Variants in RAP1GAP2 observed in about 807,000 individuals in gnomAD.
RAP1GAP2 encodes rap1 GTPase-activating protein 2.
Under a neutral mutation model 95.0 loss-of-function variants are expected in RAP1GAP2, and 27 were observed. The observed-to-expected ratio is 0.28, with a 90% CI of 0.21 to 0.39. The LOEUF (loss-of-function observed/expected upper bound fraction) is 0.39. Ranked by LOEUF, RAP1GAP2 falls within the 10% of genes least tolerant of loss-of-function variation. The pLI, the probability that RAP1GAP2 is intolerant of heterozygous loss-of-function variation, is 1.00. For missense variants in RAP1GAP2, 771 were observed against 970.0 expected (o/e 0.79, Z 2.72); for synonymous variants, 373 against 380.9 (o/e 0.98, Z 0.24).
intron 17 of RAP1GAP2, among the ~76,000 whole-genome samples, chr17:3,015,030 G>C (rs1269660242): frequency 1.3e-5 from 2 of 152,138 alleles, no homozygotes; most frequent in Non-Finnish European, 2.9e-5. Flanking sequence ...TTTTAAAAAA[G>C]GAAGCTCGCC....
rs1364775749 is a variant in RAP1GAP2 at position 2,855,592 on chromosome 17, A to G, written c.81-49692A>G. Among the ~76,000 whole-genome samples the G allele has an allele frequency of 2.0e-5, 3 of 152,272 alleles. No individual in the cohort carries two copies. Among genetic ancestry groups the G allele is most frequent in the African/African-American group, 7.2e-5 (3 of 41,540 alleles). On this transcript the variant is annotated intron_variant, in intron 2 of 24. Coordinates refer to ENST00000254695, the MANE Select transcript of RAP1GAP2 (RefSeq NM_015085.5). This position sits in a 1 kb window ranked among gnomAD's most constrained non-coding sequence, Gnocchi z 4.3. ...ATCTCTTTAAACATATGAAGTCACAAGAATTAATCTATTTTATTTATTTAT... is the reference window on the plus strand; with the variant it reads ...ATCTCTTTAAACATATGAAGTCACAGGAATTAATCTATTTTATTTATTTAT...
At chr17:2,815,297 G>A (rs1359239665) in intron 2 of RAP1GAP2, among the ~76,000 whole-genome samples, 1 of 152,022 alleles carries the variant, frequency 6.6e-6, no homozygotes, top group South Asian at 2.1e-4. Context: ...GGCAGGCTGC[G>A]CAACCTCTCT....
At chr17:2,860,195 A>G (rs1567717265) in intron 2 of RAP1GAP2, among the ~76,000 whole-genome samples, 1 of 152,166 alleles carries the variant, frequency 6.6e-6, no homozygotes, top group Non-Finnish European at 1.5e-5. Flanking sequence ...CCCTGGTCCC[A>G]GAACAGATGG....
chr17:2,870,072 G>GCCTCAGAACCTT lies in RAP1GAP2; in HGVS notation c.81-35204_81-35193dup, dbSNP rs2072779946. ...CTGTATGGCCCCTGACCCCGGCATG[G>GCCTCAGAACCTT]CCTCAGAACCTTCCTCAGAGTGCAC... On this transcript the variant is annotated intron_variant, in intron 2 of 24. Transcript: ENST00000254695. The surrounding 1 kb of genome is among the most constrained non-coding windows in gnomAD (Gnocchi z 4.4). Among the ~76,000 whole-genome samples the GCCTCAGAACCTT allele has an allele frequency of 6.6e-6, 1 of 152,026 alleles. No homozygotes were observed. The highest frequency in any genetic ancestry group is 1.5e-5 in the Non-Finnish European group (1 of 68,022).
chr17:2,944,161 C>CAAAAAAAAAAAAAAA (rs36063732), intron 3 of RAP1GAP2, among the ~76,000 whole-genome samples: 4 of 81,794 alleles, frequency 4.9e-5, no homozygotes, highest in East Asian at 3.6e-4. Flanking sequence ...ACAGCAAAAC[C>CAAAAAAAAAAAAAAA]AAAAAAAAAA....
chr17:2,824,838 CG>C (rs2070478420), intron 2 of RAP1GAP2, among the ~76,000 whole-genome samples: 1 of 151,358 alleles, frequency 6.6e-6, no homozygotes, highest in African/African-American at 2.4e-5. Context: ...GAGGAGGCGG[CG>C]GCTGGAGATG....
chr17:2,888,844 G>A (rs543858941), intron 2 of RAP1GAP2, among the ~76,000 whole-genome samples: 161 of 145,296 alleles, frequency 1.1e-3, no homozygotes, highest in African/African-American at 3.9e-3. Context: ...TTGTATTTTA[G>A]CAGAGGTGGG....
At chr17:2,920,884 T>C (rs1433568917) in intron 3 of RAP1GAP2, among the ~76,000 whole-genome samples, 1 of 152,180 alleles carries the variant, frequency 6.6e-6, no homozygotes, top group Non-Finnish European at 1.5e-5. Flanking sequence ...CCCCATCCGC[T>C]ACCCTCTTCC....
chr17:3,018,322 G>A (rs117472835), intron 18 of RAP1GAP2, 124 bp downstream of exon 18: 91,594 of 1,301,460 alleles, frequency 0.07, 3,651 homozygotes, highest in Non-Finnish European at 0.079. Flanking sequence ...CTGGATGATG[G>A]TGGGAAACTG....
intron 3 of RAP1GAP2, among the ~76,000 whole-genome samples, chr17:2,920,250 G>A (rs1305191818): frequency 2.0e-5 from 3 of 152,068 alleles, no homozygotes. Context: ...TTTTCTCGTC[G>A]TGCTCTCCTC....
chr17:2,758,116 G>A (rs1009561657), intron 1 of RAP1GAP2, among the ~76,000 whole-genome samples: 27 of 148,882 alleles, frequency 1.8e-4, no homozygotes, highest in African/African-American at 5.2e-4. Flanking sequence ...TGATCCGCCC[G>A]CCTTGGCCTC....
At chr17:2,961,880 G>A (rs929361128) in intron 4 of RAP1GAP2, among the ~76,000 whole-genome samples, 2 of 146,574 alleles carry the variant, frequency 1.4e-5, no homozygotes, top group African/African-American at 2.5e-5. Context: ...CTGGCTCTGT[G>A]ACCCTAAGGA....
At chr17:2,829,837 A>G (rs1597389195) in intron 2 of RAP1GAP2, among the ~76,000 whole-genome samples, 1 of 92,818 alleles carries the variant, frequency 1.1e-5, no homozygotes, top group African/African-American at 5.1e-5. Context: ...TTTTTTTTTG[A>G]GATGAGATTT....
chr17:2,772,796 A>G (rs1427979436), upstream of RAP1GAP2, among the ~76,000 whole-genome samples: 2 of 151,624 alleles, frequency 1.3e-5, no homozygotes, highest in Non-Finnish European at 2.9e-5. Flanking sequence ...CTCAGAGAAT[A>G]AGGTTTATAC....
chr17:2,817,524 GT>G (rs1491351314), intron 2 of RAP1GAP2, among the ~76,000 whole-genome samples: 3 of 113,870 alleles, frequency 2.6e-5, no homozygotes, highest in Non-Finnish European at 6.3e-5. Flanking sequence ...TCTATGTATA[GT>G]TTTTTTTTTT....
chr17:2,940,560 G>A (rs2043457890), intron 3 of RAP1GAP2, among the ~76,000 whole-genome samples: 1 of 152,318 alleles, frequency 6.6e-6, no homozygotes. Context: ...TTTGGGCTGT[G>A]GTTCTGGGGA....
intron 3 of RAP1GAP2, among the ~76,000 whole-genome samples, chr17:2,934,212 A>T (rs8076713): frequency 6.6e-6 from 1 of 151,960 alleles, no homozygotes; most frequent in Non-Finnish European, 1.5e-5. Context: ...GCTCACTGCA[A>T]CCTCTGCCTC....
chr17:2,893,373 A>C (rs2073782198), intron 2 of RAP1GAP2, among the ~76,000 whole-genome samples: 1 of 152,154 alleles, frequency 6.6e-6, no homozygotes, highest in East Asian at 1.9e-4. Context: ...CTTCAGAAGA[A>C]GTGGGATAAT....
At chr17:2,820,664 A>G (rs2070249563) in intron 2 of RAP1GAP2, among the ~76,000 whole-genome samples, 1 of 151,432 alleles carries the variant, frequency 6.6e-6, no homozygotes, top group African/African-American at 2.4e-5. Flanking sequence ...ACTGCTCCCA[A>G]TTCTATGATT....
Sources: gnomAD v4.1 joint callset for allele counts (sites outside exome capture counted in the v4.1 genomes callset) on GRCh38, gnomAD v4.1.1 for gene constraint, Gnocchi (gnomAD v3.1) non-coding constraint, MANE v1.5 for transcripts, NCBI Gene and HGNC (gene_info 2026-07-23, HGNC 2026-07-21) for gene names.